CNBD1: variants seen among roughly 807,000 people sequenced by gnomAD.
The protein encoded by CNBD1 is cyclic nucleotide-binding domain-containing protein 1.
A neutral mutation model predicts 54.4 loss-of-function variants in CNBD1; 71 were observed. The ratio of observed to expected loss-of-function variants is 1.30; its 90% CI spans 1.08 to 1.59. CNBD1 has a LOEUF of 1.59. Among genes scored for constraint, CNBD1 ranks in the 40% most tolerant of loss-of-function variants. The pLI is 0.00. For synonymous variants in CNBD1, 182 were observed against 170.7 expected (o/e 1.07, Z -0.51); for missense variants, 659 against 518.0 (o/e 1.27, Z -2.64).
rs77555850 is a variant in CNBD1 at position 87,263,464 on chromosome 8, G to A, written c.772-21214G>A. 4.5e-3 allele frequency among the ~76,000 whole-genome samples: 692 copies of A among 152,176 alleles called. 8 individuals are homozygous for A. The highest frequency in any genetic ancestry group is 0.02 in the East Asian group (104 of 5,168). ...GCTGGCTTTGGTTCCTTAAAGAGGTGACTAAGATGTTACTCAGCCAACATG... is the reference window on the plus strand; with the variant it reads ...GCTGGCTTTGGTTCCTTAAAGAGGTAACTAAGATGTTACTCAGCCAACATG... On this transcript the variant is annotated intron_variant, in intron 6 of 10. Coordinates refer to ENST00000518476, the MANE Select transcript of CNBD1 (RefSeq NM_173538.3).
At chr8:87,026,271 TTTTTC>T (rs371914486) in intron 4 of CNBD1, among the ~76,000 whole-genome samples, 60 of 151,512 alleles carry the variant, frequency 4.0e-4, no homozygotes, top group African/African-American at 1.4e-3. Context: ...GACTGAAGAG[TTTTTC>T]TTTTCTTTTC....
At chr8:87,294,885 T>A (rs1210093485) in intron 8 of CNBD1, among the ~76,000 whole-genome samples, 3 of 152,068 alleles carry the variant, frequency 2.0e-5, no homozygotes, top group Non-Finnish European at 4.4e-5. Context: ...TGTATTTTAT[T>A]GTTTTCTAAA....
chr8:87,088,525 A>C (rs1297709275), intron 4 of CNBD1, among the ~76,000 whole-genome samples: 2 of 152,188 alleles, frequency 1.3e-5, no homozygotes, highest in African/African-American at 4.8e-5. Flanking sequence ...TATCATGCCA[A>C]GTAATTTAAC....
chr8:87,168,463 A>G (rs1029557477), intron 4 of CNBD1, among the ~76,000 whole-genome samples: 1 of 151,970 alleles, frequency 6.6e-6, no homozygotes, highest in African/African-American at 2.4e-5. Context: ...TTTTAAATGT[A>G]CCATTAAATT....
rs182699047 is a variant in CNBD1 at position 86,948,402 on chromosome 8, G to A, written c.431+8648G>A. Reference sequence around the variant, plus strand: ...AGTATACAAGGGTTCCCTTTTCTCCGCATCCTCACCAGCATTTGTTATTGC... The same window carrying A: ...AGTATACAAGGGTTCCCTTTTCTCCACATCCTCACCAGCATTTGTTATTGC... On this transcript the variant is annotated intron_variant, in intron 4 of 10. Transcript: ENST00000518476. Among the ~76,000 whole-genome samples, 194 of 151,956 alleles carry A rather than the reference G, an allele frequency of 1.3e-3. 1 individual carries two copies. Among genetic ancestry groups the A allele is most frequent in the African/African-American group, 4.3e-3 (177 of 41,458 alleles).
chr8:86,892,800 A>G (rs1808792938), intron 2 of CNBD1, among the ~76,000 whole-genome samples: 1 of 151,792 alleles, frequency 6.6e-6, no homozygotes, highest in Admixed American at 6.6e-5. Flanking sequence ...CCCTTTTTTC[A>G]CTCACAGGAT....
chr8:87,067,739 T>C (rs1419421262), intron 4 of CNBD1, among the ~76,000 whole-genome samples: 1 of 151,974 alleles, frequency 6.6e-6, no homozygotes, highest in African/African-American at 2.4e-5. Context: ...GTACTTAACT[T>C]ATAATCTTGT....
chr8:86,921,916 C>G (rs529760996), intron 3 of CNBD1, among the ~76,000 whole-genome samples: 1 of 152,124 alleles, frequency 6.6e-6, no homozygotes, highest in African/African-American at 2.4e-5. Context: ...CTGACAGGGT[C>G]TGAGTAAGAG....
At chr8:86,890,577 T>C (rs967344986) in intron 2 of CNBD1, among the ~76,000 whole-genome samples, 1 of 152,100 alleles carries the variant, frequency 6.6e-6, no homozygotes, top group Non-Finnish European at 1.5e-5. Context: ...CACATATTGA[T>C]TTCAGTTTCT....
intron 5 of CNBD1, among the ~76,000 whole-genome samples, chr8:87,228,822 G>A (rs1438823970): frequency 6.6e-6 from 1 of 152,138 alleles, no homozygotes; most frequent in Non-Finnish European, 1.5e-5. Context: ...GGGCAATGGC[G>A]GGCGCCCCTC....
chr8:86,939,508 A>G, intron 3 of CNBD1, 88 bp from the exon 4 acceptor site: 1 of 897,882 alleles, frequency 1.1e-6, no homozygotes, highest in Non-Finnish European at 1.6e-6. Context: ...AAAACAGTGC[A>G]TTTATACTCC....
chr8:87,320,624 G>T (rs1433700060), intron 8 of CNBD1, among the ~76,000 whole-genome samples: 1 of 146,190 alleles, frequency 6.8e-6, no homozygotes, highest in Non-Finnish European at 1.5e-5. Flanking sequence ...GTGTGTGGGG[G>T]GGCGGCTCAG....
At chr8:87,379,606 G>T (rs138856317) in intron 10 of CNBD1, among the ~76,000 whole-genome samples, 1 of 151,740 alleles carries the variant, frequency 6.6e-6, no homozygotes, top group Non-Finnish European at 1.5e-5. Flanking sequence ...CATTTTTGAT[G>T]AAGAAATAAA....
At chr8:87,160,528 T>C (rs1812834611) in intron 4 of CNBD1, among the ~76,000 whole-genome samples, 1 of 152,164 alleles carries the variant, frequency 6.6e-6, no homozygotes, top group African/African-American at 2.4e-5. Context: ...TATCAATATA[T>C]TCTTCCAGAA....
chr8:87,257,369 C>CAAAAAAAAAAAAAAAAAAAAAAAA (rs771338208), intron 6 of CNBD1, among the ~76,000 whole-genome samples: 2 of 67,542 alleles, frequency 3.0e-5, no homozygotes, highest in East Asian at 4.5e-4. Context: ...AACTCTATCG[C>CAAAAAAAAAAAAAAAAAAAAAAAA]AAAAAAAAAA....
intron 1 of CNBD1, among the ~76,000 whole-genome samples, chr8:86,876,455 G>A (rs1188197796): frequency 1.3e-5 from 2 of 151,394 alleles, no homozygotes; most frequent in South Asian, 2.1e-4. Context: ...GAGTACTTAA[G>A]CTATTCTTTT....
At chr8:87,285,848 C>A (rs1354013656) in intron 7 of CNBD1, among the ~76,000 whole-genome samples, 3 of 152,078 alleles carry the variant, frequency 2.0e-5, no homozygotes, top group Non-Finnish European at 4.4e-5. Flanking sequence ...CCAGCCTGGG[C>A]AACAAGAGTG....
At chr8:87,097,266 T>A (rs112311225) in intron 4 of CNBD1, among the ~76,000 whole-genome samples, 1 of 152,160 alleles carries the variant, frequency 6.6e-6, no homozygotes, top group Non-Finnish European at 1.5e-5. Flanking sequence ...ATTTTTGAAT[T>A]TTCATTTGGT....
chr8:86,992,036 A>G (rs890606223), intron 4 of CNBD1, among the ~76,000 whole-genome samples: 10 of 152,036 alleles, frequency 6.6e-5, no homozygotes, highest in Admixed American at 5.2e-4. Flanking sequence ...CAGTTGACTG[A>G]GTGTAAATTT....
Sources: gnomAD v4.1 joint callset for allele counts (sites outside exome capture counted in the v4.1 genomes callset) on GRCh38, gnomAD v4.1.1 for gene constraint, MANE v1.5 for transcripts, NCBI Gene and HGNC (gene_info 2026-07-23, HGNC 2026-07-21) for gene names.